LDLRAD4: variants seen among roughly 807,000 people sequenced by gnomAD.
LDLRAD4 encodes low-density lipoprotein receptor class A domain-containing protein 4.
Under a neutral mutation model 17.0 loss-of-function variants are expected in LDLRAD4, and 5 were observed. That is an observed-to-expected ratio of 0.29 (90% CI 0.15 to 0.62). The LOEUF (loss-of-function observed/expected upper bound fraction) is 0.62, where lower values mean the gene tolerates loss of function less well. Among genes scored for constraint, LDLRAD4 ranks in the 20% least tolerant of loss-of-function variants. The pLI, the probability that LDLRAD4 is intolerant of heterozygous loss-of-function variation, is 0.84. For synonymous variants in LDLRAD4, 168 were observed against 171.8 expected (o/e 0.98, Z 0.17); for missense variants, 340 against 424.7 (o/e 0.80, Z 1.75).
chr18:13,582,735 C>T (rs779522461), intron 3 of LDLRAD4, among the ~76,000 whole-genome samples: 4 of 152,154 alleles, frequency 2.6e-5, no homozygotes, highest in Admixed American at 6.5e-5. Context: ...TTTCTAGAGA[C>T]GAGGTCTCAC....
At chr18:13,407,193 G>A (rs566692836) in intron 2 of LDLRAD4, among the ~76,000 whole-genome samples, 5 of 152,144 alleles carry the variant, frequency 3.3e-5, no homozygotes, top group Non-Finnish European at 5.9e-5. Flanking sequence ...CGACACTGCT[G>A]GATGTCACCT....
Position 13,645,841 on chromosome 18 carries a change from CA to C in LDLRAD4, c.*187del, listed in dbSNP as rs1438796129. On this transcript the variant is annotated 3_prime_UTR_variant, in exon 6 of 6. Transcript: ENST00000359446. This position sits in a 1 kb window ranked among gnomAD's most constrained non-coding sequence, Gnocchi z 5.7. ...GCATGCAAACTAGACTGAAATGATA[CA>C]AACTTCCATCTGGTCTGACCGCAAA... is the stretch of plus-strand genomic sequence containing the variant. 1 of 453,580 alleles carries C rather than the reference CA, an allele frequency of 2.2e-6. No homozygotes were observed. The highest frequency in any genetic ancestry group is 3.8e-6 in the Non-Finnish European group (1 of 266,076). 28.1% of individuals were successfully genotyped at this position (453,580 alleles called of 1,614,324 possible). A position where few individuals can be genotyped will look rare whatever the true frequency, so the allele number is the denominator to read the frequency against.
At chr18:13,610,285 TTTTTTTTTTTTTTTTTTTTTG>T (rs1231998448) in intron 3 of LDLRAD4, among the ~76,000 whole-genome samples, 50 of 60,464 alleles carry the variant, frequency 8.3e-4, no homozygotes, top group African/African-American at 2.3e-3. Flanking sequence ...TTTTTTTTTT[TTTTTTTTTTTTTTTTTTTTTG>T]AGACGGAGTC....
upstream of LDLRAD4, among the ~76,000 whole-genome samples, chr18:13,276,001 A>T (rs140207370): frequency 7.6e-4 from 116 of 152,252 alleles, no homozygotes; most frequent in East Asian, 0.02. Flanking sequence ...TTAATTACTA[A>T]GTTATTTTAT....
intron 3 of LDLRAD4, among the ~76,000 whole-genome samples, chr18:13,498,849 G>C (rs376750953): frequency 6.7e-5 from 10 of 148,670 alleles, no homozygotes; most frequent in African/African-American, 2.0e-4. Context: ...CCCAGCCGTA[G>C]ACACTGGAGA....
intron 3 of LDLRAD4, among the ~76,000 whole-genome samples, chr18:13,510,588 G>C (rs1600965569): frequency 6.6e-6 from 1 of 152,178 alleles, no homozygotes; most frequent in East Asian, 1.9e-4. Flanking sequence ...CTGCTTGTGT[G>C]ATGGGTGCAC....
intron 3 of LDLRAD4, among the ~76,000 whole-genome samples, chr18:13,512,132 A>G (rs745442211): frequency 1.3e-5 from 2 of 152,166 alleles, no homozygotes; most frequent in Non-Finnish European, 2.9e-5. Flanking sequence ...GTTCCTTTTC[A>G]TGGTTGTGTC....
chr18:13,644,747 C>T, intron 5 of LDLRAD4: 2 of 196,972 alleles, frequency 1.0e-5, no homozygotes, highest in Non-Finnish European at 2.0e-5. Flanking sequence ...CACTGGTGAC[C>T]AGATCCAAGT....
At chr18:13,277,571 G>A (rs1004565681), upstream of LDLRAD4, among the ~76,000 whole-genome samples, 5 of 152,218 alleles carry the variant, frequency 3.3e-5, no homozygotes, top group African/African-American at 1.2e-4. Flanking sequence ...GCAGAGTCAC[G>A]AACGTTACCA....
intron 2 of LDLRAD4, among the ~76,000 whole-genome samples, chr18:13,431,781 T>C (rs2090351863): frequency 6.6e-6 from 1 of 152,238 alleles, no homozygotes. Context: ...ATATTCATCT[T>C]TCTGAAGGAC....
At chr18:13,289,368 A>G (rs534723621) in intron 1 of LDLRAD4, among the ~76,000 whole-genome samples, 1 of 152,368 alleles carries the variant, frequency 6.6e-6, no homozygotes, top group Non-Finnish European at 1.5e-5. Flanking sequence ...TAACAGTGTT[A>G]AAGGGAGTAA....
At chr18:13,251,897 G>A (rs117196338) in intron 1 of LDLRAD4, among the ~76,000 whole-genome samples, 2,143 of 152,314 alleles carry the variant, frequency 0.014, 19 homozygotes, top group Middle Eastern at 0.061. Flanking sequence ...GCCCATTATT[G>A]AGGAGGCTAT....
intron 1 of LDLRAD4, among the ~76,000 whole-genome samples, chr18:13,356,252 C>T (rs1238489131): frequency 2.0e-5 from 3 of 152,236 alleles, no homozygotes; most frequent in Admixed American, 2.0e-4. Context: ...AGGAGGCTCC[C>T]ATCCATCCAA....
chr18:13,535,566 T>C (rs1484294294), intron 3 of LDLRAD4, among the ~76,000 whole-genome samples: 1 of 152,240 alleles, frequency 6.6e-6, no homozygotes, highest in East Asian at 1.9e-4. Flanking sequence ...AACTTTTTGT[T>C]AGATATATAT....
chr18:13,383,857 C>T (rs1052510936), intron 1 of LDLRAD4, among the ~76,000 whole-genome samples: 4 of 152,158 alleles, frequency 2.6e-5, no homozygotes, highest in East Asian at 1.9e-4. Context: ...ACCTCTGCTG[C>T]GTATTCCTAG....
At chr18:13,504,088 T>C (rs951490169) in intron 3 of LDLRAD4, among the ~76,000 whole-genome samples, 15 of 152,116 alleles carry the variant, frequency 9.9e-5, no homozygotes, top group African/African-American at 3.4e-4. Context: ...AGGTCACATA[T>C]CTCGCCTTGA....
chr18:13,473,727 G>A (rs943880418), intron 3 of LDLRAD4, among the ~76,000 whole-genome samples: 3 of 145,048 alleles, frequency 2.1e-5, no homozygotes, highest in East Asian at 2.0e-4. Flanking sequence ...ATACAGGGGC[G>A]GGGCTTATAC....
Position 13,337,360 on chromosome 18 carries a change from T to TCTGG in LDLRAD4, c.-382-49979_-382-49976dup, listed in dbSNP as rs1446987440. On this transcript the variant is annotated intron_variant, in intron 1 of 5. Transcript: ENST00000359446. ...CAGTTTCTGCCCAATCTCAGCTGCC[T>TCTGG]CTGGCAGACCTTACAGGTACTTGGA... Among the ~76,000 whole-genome samples the TCTGG allele has an allele frequency of 2.0e-5, 3 of 152,326 alleles. No homozygotes were observed. In the East Asian group the frequency reaches 5.8e-4, roughly 29 times the overall value.
chr18:13,489,664 A>T (rs1296547246), intron 3 of LDLRAD4: 1 of 152,160 alleles, frequency 6.6e-6, no homozygotes, highest in East Asian at 1.9e-4. Flanking sequence ...GCCTCCAGTT[A>T]TATGAAACTG....
Sources: gnomAD v4.1 joint callset for allele counts (sites outside exome capture counted in the v4.1 genomes callset) on GRCh38, gnomAD v4.1.1 for gene constraint, Gnocchi (gnomAD v3.1) non-coding constraint, MANE v1.5 for transcripts, NCBI Gene and HGNC (gene_info 2026-07-23, HGNC 2026-07-21) for gene names.